SAMD8: variants seen among roughly 807,000 people sequenced by gnomAD.
SAMD8 encodes the protein sterile alpha motif domain containing 8, also known as sphingomyelin synthase-related protein 1.
SAMD8 carries 20 observed loss-of-function variants against 42.0 expected under a neutral mutation model. That is an observed-to-expected ratio of 0.48 (90% CI 0.34 to 0.69). The LOEUF (loss-of-function observed/expected upper bound fraction) is 0.69, where lower values mean the gene tolerates loss of function less well. SAMD8 is among the 30% of genes least tolerant of loss of function. The pLI is 0.01. For missense variants in SAMD8, 328 were observed against 511.6 expected (o/e 0.64, Z 3.46); for synonymous variants, 162 against 173.0 (o/e 0.94, Z 0.50).
At chr10:75,141,378 A>G (rs1000818614) in intron 1 of SAMD8, among the ~76,000 whole-genome samples, 2 of 151,718 alleles carry the variant, frequency 1.3e-5, no homozygotes, top group Non-Finnish European at 1.5e-5. Context: ...AGAAAGGAAG[A>G]CAATTGATTT....
At chr10:75,147,707 T>A (rs1039910288) in intron 1 of SAMD8, among the ~76,000 whole-genome samples, 4 of 152,216 alleles carry the variant, frequency 2.6e-5, no homozygotes, top group Non-Finnish European at 4.4e-5. Context: ...GCTTGTTGGA[T>A]ATCCAAGGAT....
At chr10:75,135,496 A>T (rs976407046) in intron 1 of SAMD8, among the ~76,000 whole-genome samples, 5 of 151,234 alleles carry the variant, frequency 3.3e-5, no homozygotes, top group Non-Finnish European at 5.9e-5. Context: ...AAATGTGTAC[A>T]ATTATGTGTC....
At chr10:75,151,294 G>A (rs920676352) in intron 2 of SAMD8, among the ~76,000 whole-genome samples, 188 bp downstream of exon 2, 2 of 152,064 alleles carry the variant, frequency 1.3e-5, no homozygotes, top group African/African-American at 4.8e-5. Context: ...TTAAGCCTAG[G>A]TGTGTGAGAA....
At chr10:75,138,968 T>C (rs2134457337) in intron 1 of SAMD8, among the ~76,000 whole-genome samples, 1 of 99,168 alleles carries the variant, frequency 1.0e-5, no homozygotes, top group South Asian at 3.1e-4. Context: ...CTTTTTTTTT[T>C]TTTTTTTTTG....
intron 1 of SAMD8, among the ~76,000 whole-genome samples, chr10:75,143,702 T>TG (rs1840071109): frequency 6.6e-6 from 1 of 152,178 alleles, no homozygotes; most frequent in Admixed American, 6.5e-5. Context: ...ATTGTCACTG[T>TG]TTTTAAGTAA....
Position 75,113,411 on chromosome 10 carries a change from G to C in SAMD8, c.-16+1689G>C, listed in dbSNP as rs181762253. On this transcript the variant is annotated intron_variant, in intron 1 of 5. Coordinates refer to ENST00000542569, the MANE Select transcript of SAMD8 (RefSeq NM_001174156.2). ...CTTTCTTTTTTTTTTTTGAGACAGAGATTCGCTGTGTTGCCCAGGCTTAAG... is the reference window on the plus strand; with the variant it reads ...CTTTCTTTTTTTTTTTTGAGACAGACATTCGCTGTGTTGCCCAGGCTTAAG... Among the ~76,000 whole-genome samples, 22 of 150,400 alleles carry C rather than the reference G, an allele frequency of 1.5e-4. No individual in the cohort carries two copies. The East Asian group carries it at 3.5e-3, about 24-fold the overall frequency.
chr10:75,163,867 G>GA (rs370211469), intron 2 of SAMD8, among the ~76,000 whole-genome samples: 10 of 151,422 alleles, frequency 6.6e-5, no homozygotes, highest in African/African-American at 1.7e-4. Flanking sequence ...ATTGAAAATA[G>GA]AAAAAAAACC....
chr10:75,111,507 C>T, upstream of SAMD8: 1 of 1,228,096 alleles, frequency 8.1e-7, no homozygotes, highest in Non-Finnish European at 1.0e-6. Flanking sequence ...TCCGGTTCGG[C>T]TCCGAGCAGC....
chr10:75,119,436 C>T (rs562233274), intron 1 of SAMD8, among the ~76,000 whole-genome samples: 52 of 152,170 alleles, frequency 3.4e-4, no homozygotes, highest in African/African-American at 1.2e-3. Flanking sequence ...GGATTACAGG[C>T]GTGAATCAAT....
chr10:75,117,379 G>A (rs181017691), intron 1 of SAMD8, among the ~76,000 whole-genome samples: 37 of 151,546 alleles, frequency 2.4e-4, no homozygotes, highest in African/African-American at 4.8e-4. Flanking sequence ...CTGTGATTGC[G>A]CCACTGCACT....
chr10:75,113,367 CCTT>C (rs531227630), intron 1 of SAMD8, among the ~76,000 whole-genome samples: 2 of 151,620 alleles, frequency 1.3e-5, no homozygotes, highest in African/African-American at 4.8e-5. Context: ...CTTTTCTCTT[CCTT>C]CTTTTCTTTT....
At chr10:75,165,357 C>T (rs1182742242) in intron 3 of SAMD8, among the ~76,000 whole-genome samples, 1 of 150,816 alleles carries the variant, frequency 6.6e-6, no homozygotes, top group Non-Finnish European at 1.5e-5. Context: ...ATTTTCTCTG[C>T]TTTGAGGAGG....
intron 1 of SAMD8, among the ~76,000 whole-genome samples, chr10:75,123,863 G>A (rs957527358): frequency 1.3e-5 from 2 of 151,826 alleles, no homozygotes; most frequent in Non-Finnish European, 2.9e-5. Context: ...GAGTAGCTGG[G>A]ACTACAGGCA....
chr10:75,108,215 G>T (rs1373390093), upstream of SAMD8: 2 of 1,593,384 alleles, frequency 1.3e-6, no homozygotes, highest in Non-Finnish European at 1.7e-6. Flanking sequence ...TGGCCCTGGG[G>T]AGGGCAGGAA....
chr10:75,163,874 A>G (rs748699343), intron 2 of SAMD8, among the ~76,000 whole-genome samples: 5 of 152,126 alleles, frequency 3.3e-5, no homozygotes, highest in Admixed American at 6.6e-5. Context: ...ATAGAAAAAA[A>G]ACCAGGGTTA....
rs779382578 is a variant in SAMD8 at position 75,150,817 on chromosome 10, A to G, written c.289A>G (p.Met97Val). The G allele has an allele frequency of 1.2e-6, 2 of 1,614,098 alleles. No individual in the cohort carries two copies. The highest frequency in any genetic ancestry group is 1.7e-6 in the Non-Finnish European group (2 of 1,180,050). ...CAACAGTGACAGTCCCATGGGTTCC[A>G]TGACCCCTTTCATCAGTGCTCTTCA... ...GYNSDSPMGS[M>V]TPFISALQST... Residue 97 changes from methionine to valine, a missense_variant, in exon 2 of 6, where the codon ATG (methionine) becomes GTG (valine). By Grantham distance (21) the Met-to-Val change is conservative (BLOSUM62 1). This residue lies in a region of SAMD8 where 150 missense variants were observed against 186.0 expected (regional missense o/e 0.81). Coordinates refer to ENST00000542569, the MANE Select transcript of SAMD8 (RefSeq NM_001174156.2).
At chr10:75,103,512 C>T (rs977471414) in intron 1 of SAMD8, among the ~76,000 whole-genome samples, 29 of 152,232 alleles carry the variant, frequency 1.9e-4, no homozygotes, top group African/African-American at 7.0e-4. Context: ...TTTAAGGTCT[C>T]TCCCCATGCT....
At chr10:75,106,108 T>C (rs1433270915) in intron 1 of SAMD8, among the ~76,000 whole-genome samples, 2 of 150,274 alleles carry the variant, frequency 1.3e-5, no homozygotes, top group Non-Finnish European at 3.0e-5. Context: ...TTTCTTTTTT[T>C]TTTTTTTTTT....
chr10:75,102,940 G>A (rs1012990004), intron 1 of SAMD8, among the ~76,000 whole-genome samples: 19 of 152,158 alleles, frequency 1.2e-4, no homozygotes, highest in African/African-American at 3.4e-4. Flanking sequence ...CAACAAGAAC[G>A]AAACTCCGTC....
Sources: gnomAD v4.1 joint callset for allele counts (sites outside exome capture counted in the v4.1 genomes callset) on GRCh38, gnomAD v4.1.1 for gene constraint, gnomAD v4.1.1 regional missense constraint, MANE v1.5 for transcripts, NCBI Gene and HGNC (gene_info 2026-07-23, HGNC 2026-07-21) for gene names.